Variants in HS3ST3B1 observed in about 807,000 individuals in gnomAD.
HS3ST3B1 encodes heparan sulfate glucosamine 3-O-sulfotransferase 3B1.
In HS3ST3B1, 13 loss-of-function variants were observed where a neutral mutation model predicts 21.3. The ratio of observed to expected loss-of-function variants is 0.61; its 90% CI spans 0.40 to 0.97. The LOEUF (loss-of-function observed/expected upper bound fraction) is 0.97, where lower values mean the gene tolerates loss of function less well. HS3ST3B1 is among the 50% of genes least tolerant of loss of function. The probability of loss-of-function intolerance (pLI) is 0.00; values close to 1 mark genes in which losing one functional copy is unlikely to be tolerated. For missense variants in HS3ST3B1, 459 were observed against 554.8 expected (o/e 0.83, Z 1.73); for synonymous variants, 234 against 254.8 (o/e 0.92, Z 0.78).
chr17:14,320,196 T>C (rs557796189), intron 1 of HS3ST3B1, among the ~76,000 whole-genome samples: 1 of 152,146 alleles, frequency 6.6e-6, no homozygotes, highest in Non-Finnish European at 1.5e-5. Flanking sequence ...CAGTATGGCA[T>C]GATACATGCA....
chr17:14,310,953 T>A lies in HS3ST3B1; in HGVS notation c.554+8881T>A, dbSNP rs1909286725. On this transcript the variant is annotated intron_variant, in intron 1 of 1. Coordinates refer to ENST00000360954, the MANE Select transcript of HS3ST3B1 (RefSeq NM_006041.3). Reference sequence around the variant, plus strand: ...TAAAGAGAGAAAGGCAGTGAAGTGATCATTACCTTATCACTGATTTAAAAT... The same window carrying A: ...TAAAGAGAGAAAGGCAGTGAAGTGAACATTACCTTATCACTGATTTAAAAT... 3.3e-5 allele frequency among the ~76,000 whole-genome samples: 5 copies of A among 152,178 alleles called. No individual in the cohort carries two copies. The South Asian group carries it at 1.0e-3, about 32-fold the overall frequency.
At chr17:14,338,323 AT>A (rs1386907767) in intron 1 of HS3ST3B1, among the ~76,000 whole-genome samples, 2 of 150,968 alleles carry the variant, frequency 1.3e-5, no homozygotes, top group Admixed American at 1.3e-4. Context: ...ATGGGGTTTC[AT>A]CATGTTAGCC....
chr17:14,337,925 T>C (rs1910238032), intron 1 of HS3ST3B1, among the ~76,000 whole-genome samples: 2 of 151,726 alleles, frequency 1.3e-5, no homozygotes, highest in African/African-American at 2.4e-5. Flanking sequence ...TATGACAAGT[T>C]CCAGGCCCAC....
chr17:14,344,275 G>A (rs1338636303), intron 1 of HS3ST3B1, among the ~76,000 whole-genome samples: 16 of 152,150 alleles, frequency 1.1e-4, no homozygotes, highest in Non-Finnish European at 1.5e-5. Context: ...GGATGCATGT[G>A]CAGGAATTTG....
intron 1 of HS3ST3B1, among the ~76,000 whole-genome samples, chr17:14,302,892 C>T (rs967001943): frequency 7.9e-5 from 12 of 152,162 alleles, no homozygotes; most frequent in Non-Finnish European, 1.5e-4. Context: ...TTTACACGTC[C>T]GGAGCAAAGA....
chr17:14,301,591 C>T lies in HS3ST3B1; in HGVS notation c.73C>T (p.Pro25Ser), dbSNP rs747427804. Residue 25 changes from proline (P) to serine (S), a missense_variant, in exon 1 of 2, where the codon CCC (proline) becomes TCC (serine). Around this residue, in one of 3 missense-constraint regions of HS3ST3B1, gnomAD observed 317 missense variants for 278.6 expected, o/e 1.14. Coordinates refer to ENST00000360954, the MANE Select transcript of HS3ST3B1 (RefSeq NM_006041.3). The stretch of plus-strand genomic sequence containing the variant: ...CCGGCTCCTACCGCAGCCGCCGCCG[C>T]CCCCGCCGCCGGTGAGGAGGAAGCT... The part of the protein sequence containing the change: ...PGRLLPQPPP[P>S]PPPVRRKLAL... The T allele has an allele frequency of 7.5e-6, 12 of 1,601,552 alleles. No homozygotes were observed. The East Asian group carries it at 1.3e-4, about 18-fold the overall frequency.
chr17:14,343,921 A>G (rs1910470643), intron 1 of HS3ST3B1, among the ~76,000 whole-genome samples: 1 of 137,352 alleles, frequency 7.3e-6, no homozygotes, highest in African/African-American at 2.7e-5. Flanking sequence ...TCTGAGACGG[A>G]GTTTCCCTCT....
chr17:14,323,561 C>T (rs552185051), intron 1 of HS3ST3B1, among the ~76,000 whole-genome samples: 13 of 151,426 alleles, frequency 8.6e-5, no homozygotes, highest in African/African-American at 2.9e-4. Context: ...CTTCTTTAAC[C>T]GTCATGTTTT....
intron 1 of HS3ST3B1, among the ~76,000 whole-genome samples, chr17:14,314,710 C>T (rs1477616653): frequency 2.0e-5 from 3 of 152,178 alleles, no homozygotes; most frequent in Non-Finnish European, 4.4e-5. Context: ...CTGGTGAGCC[C>T]CTGGGCTTGT....
intron 1 of HS3ST3B1, chr17:14,328,766 G>C (rs1219495167): frequency 6.6e-6 from 1 of 152,174 alleles, no homozygotes; most frequent in African/African-American, 2.4e-5. Context: ...TTGAGAGGCT[G>C]TGCTGGGTGG....
chr17:14,311,874 T>G (rs1909316733), intron 1 of HS3ST3B1, among the ~76,000 whole-genome samples: 1 of 152,132 alleles, frequency 6.6e-6, no homozygotes. Flanking sequence ...TAAAACAGGC[T>G]CGAGGAGATC....
At chr17:14,313,982 T>C (rs192821919) in intron 1 of HS3ST3B1, among the ~76,000 whole-genome samples, 4 of 152,040 alleles carry the variant, frequency 2.6e-5, no homozygotes, top group Admixed American at 2.0e-4. Context: ...CTTTTTTTGT[T>C]TTTGTTTTTG....
intron 1 of HS3ST3B1, among the ~76,000 whole-genome samples, chr17:14,330,386 C>T (rs1442799066): frequency 1.3e-5 from 2 of 152,076 alleles, no homozygotes; most frequent in African/African-American, 2.4e-5. Flanking sequence ...AATTTTTACA[C>T]GCGGAGAACT....
Position 14,301,540 on chromosome 17 carries a change from G to A in HS3ST3B1, c.22G>A (p.Gly8Ser). ...GCGCATGGGGCAGCGCCTGAGTGGC[G>A]GCAGATCTTGCCTCGATGTCCCCGG... MGQRLSG[G>S]RSCLDVPGRL... The change falls in exon 1 of 2, where the codon GGC becomes AGC. Residue 8 changes from glycine to serine, a missense_variant. Around this residue, in one of 3 missense-constraint regions of HS3ST3B1, gnomAD observed 317 missense variants for 278.6 expected, o/e 1.14. Transcript: ENST00000360954. 3 of 1,576,434 alleles carry A rather than the reference G, an allele frequency of 1.9e-6. No homozygotes were observed. Among genetic ancestry groups the A allele is most frequent in the Non-Finnish European group, 2.6e-6 (3 of 1,169,696 alleles).
intron 1 of HS3ST3B1, among the ~76,000 whole-genome samples, chr17:14,319,821 T>C (rs148744631): frequency 0.01 from 1,570 of 151,844 alleles, 27 homozygotes; most frequent in African/African-American, 0.036. Flanking sequence ...AAGGTGGTGT[T>C]TGGCTACATG....
At chr17:14,313,093 GGT>G (rs1555548187) in intron 1 of HS3ST3B1, among the ~76,000 whole-genome samples, 33 of 68,058 alleles carry the variant, frequency 4.8e-4, no homozygotes, top group South Asian at 2.3e-3. Context: ...GTGTGTGTGT[GGT>G]GTGTGTGTGT....
chr17:14,301,636 C>T lies in HS3ST3B1; in HGVS notation c.118C>T (p.Leu40Phe), dbSNP rs199858271. The change falls in exon 1 of 2, where the codon CTC (leucine) becomes TTC (phenylalanine). Residue 40 changes from leucine (L) to phenylalanine (F), a missense_variant. By Grantham distance (22) the Leu-to-Phe change is conservative. Transcript: ENST00000360954. Reference sequence around the variant, plus strand: ...GAAGCTCGCGCTGCTCTTCGCCATGCTCTGCGTCTGGCTCTATATGTTCCT... The same window carrying T: ...GAAGCTCGCGCTGCTCTTCGCCATGTTCTGCGTCTGGCTCTATATGTTCCT... ...RRKLALLFAM[L>F]CVWLYMFLYS... The T allele has an allele frequency of 2.9e-5, 46 of 1,607,936 alleles. 1 individual carries two copies. The highest frequency in any genetic ancestry group is 3.7e-5 in the Non-Finnish European group (44 of 1,178,864).
chr17:14,327,006 G>A (rs866959471), intron 1 of HS3ST3B1, among the ~76,000 whole-genome samples: 6 of 150,246 alleles, frequency 4.0e-5, no homozygotes, highest in Middle Eastern at 6.9e-3. Flanking sequence ...AATTTTTCAC[G>A]TTTCTCATTT....
At chr17:14,329,544 G>A (rs1352581752) in intron 1 of HS3ST3B1, 2 of 150,978 alleles carry the variant, frequency 1.3e-5, no homozygotes, top group Non-Finnish European at 2.9e-5. Flanking sequence ...AGGAAAAGAA[G>A]AAAGAAAAGG....
Sources: gnomAD v4.1 joint callset for allele counts (sites outside exome capture counted in the v4.1 genomes callset) on GRCh38, gnomAD v4.1.1 for gene constraint, gnomAD v4.1.1 regional missense constraint, MANE v1.5 for transcripts, NCBI Gene and HGNC (gene_info 2026-07-23, HGNC 2026-07-21) for gene names.